Variants in TIAM2 observed in about 807,000 individuals in gnomAD.
The protein encoded by TIAM2 is TIAM Rac1 associated GEF 2.
In TIAM2, 80 loss-of-function variants were observed where a neutral mutation model predicts 152.9. The ratio of observed to expected loss-of-function variants is 0.52; its 90% CI spans 0.44 to 0.63. TIAM2 has a LOEUF of 0.63. Ranked by LOEUF, TIAM2 falls within the 30% of genes least tolerant of loss-of-function variation. TIAM2 has a pLI of 0.00. For missense variants in TIAM2, 1,965 were observed against 2,120.1 expected (o/e 0.93, Z 1.44); for synonymous variants, 804 against 838.0 (o/e 0.96, Z 0.70).
chr6:155,187,508 T>C (rs1007891996), intron 14 of TIAM2, among the ~76,000 whole-genome samples: 5 of 151,620 alleles, frequency 3.3e-5, no homozygotes, highest in African/African-American at 9.7e-5. Flanking sequence ...TCCAGGGTTT[T>C]GCTGTGGGTG....
Position 155,251,013 on chromosome 6 carries a change from C to T in TIAM2, c.4052C>T (p.Thr1351Ile), listed in dbSNP as rs2115350583. 1 of 1,613,908 alleles carries T rather than the reference C, an allele frequency of 6.2e-7. No individual in the cohort carries two copies. The highest frequency in any genetic ancestry group is 8.5e-7 in the Non-Finnish European group (1 of 1,179,842). ...AAAGCTAGAAAGGACCTTGAGCTCA[C>T]AGTATTTGGTTAGTATTCCATTCAG... The part of the protein sequence containing the change: ...LGKARKDLEL[T>I]VFVFKRAVIL... Residue 1351 changes from threonine (T) to isoleucine (I), a missense_variant, in exon 22 of 27, where the codon ACA (threonine) becomes ATA (isoleucine). Physicochemically the swap from Thr to Ile is moderately conservative, Grantham distance 89 (BLOSUM62 -1). Transcript: ENST00000682666.
intron 15 of TIAM2, among the ~76,000 whole-genome samples, chr6:155,231,458 G>A (rs1782472126): frequency 6.6e-6 from 1 of 152,152 alleles, no homozygotes; most frequent in Admixed American, 6.5e-5. Flanking sequence ...TAAAATGAAT[G>A]GTTTGTCCTC....
intron 1 of TIAM2, among the ~76,000 whole-genome samples, chr6:155,070,209 C>CTTTTTTTTTTTTTTTTT (rs559307371): frequency 4.5e-5 from 2 of 44,146 alleles, no homozygotes; most frequent in African/African-American, 2.4e-4. Context: ...CCTGGCCAGA[C>CTTTTTTTTTTTTTTTTT]TTTTTTTTTT....
chr6:155,167,665 T>G (rs1459103549), intron 9 of TIAM2, among the ~76,000 whole-genome samples: 1 of 152,198 alleles, frequency 6.6e-6, no homozygotes, highest in Non-Finnish European at 1.5e-5. Context: ...AAAAATTGTT[T>G]TTGTAGAAAT....
At chr6:155,244,851 TTCTCTCATGAGAAA>T in intron 18 of TIAM2, 68 bp downstream of exon 18, 1 of 1,479,482 alleles carries the variant, frequency 6.8e-7, no homozygotes. Flanking sequence ...CTCATGAGAA[TTCTCTCATGAGAAA>T]GAATTTCTTG....
Position 155,257,660 on chromosome 6 carries a change from G to GTATC in TIAM2, c.*541_*544dup, listed in dbSNP as rs920661202. 3.3e-5 allele frequency: 22 copies of GTATC among 674,106 alleles called. No homozygotes were observed. Among genetic ancestry groups the GTATC allele is most frequent in the Non-Finnish European group, 4.2e-5 (17 of 401,700 alleles). The allele number at this position is 674,106 out of a possible 1,614,324, so 41.8% of individuals were successfully genotyped here. ...TATATATTAAAAGAAAGCTTGTACT[G>GTATC]TATCTTATTTGATGATATTTATTTT... On this transcript the variant is annotated 3_prime_UTR_variant, in exon 27 of 27. Coordinates refer to ENST00000682666, the MANE Select transcript of TIAM2 (RefSeq NM_012454.4).
chr6:155,164,525 T>C lies in TIAM2; in HGVS notation c.2139T>C (p.Leu713=). 6 of 1,614,120 alleles carry C rather than the reference T, an allele frequency of 3.7e-6. No homozygotes were observed. Among genetic ancestry groups the C allele is most frequent in the Non-Finnish European group, 4.2e-6 (5 of 1,180,020 alleles). Residue 713 remains leucine, a synonymous_variant, in exon 8 of 27, where the codon CTT becomes CTC. Transcript: ENST00000682666. ...AGTTACCGAACCCAAAGAGTCTCCT[T>C]GCAGCCGCCAGCCGCCCCTCCAAGC... ...GGELPNPKSL[L]AAASRPSKLA...
chr6:155,178,885 T>C (rs1780823782), intron 10 of TIAM2, among the ~76,000 whole-genome samples, 154 bp from the exon 11 acceptor site: 1 of 152,220 alleles, frequency 6.6e-6, no homozygotes, highest in Non-Finnish European at 1.5e-5. Context: ...TGCATACAAG[T>C]ATTTAAATTC....
At chr6:155,180,688 C>T (rs9480079) in intron 12 of TIAM2, among the ~76,000 whole-genome samples, 88,143 of 151,824 alleles carry the variant, frequency 0.58, 25,944 homozygotes, top group African/African-American at 0.68. Flanking sequence ...CTGCAACCTC[C>T]GCCTCCTGGG....
intron 14 of TIAM2, among the ~76,000 whole-genome samples, chr6:155,191,347 A>T (rs1339764957): frequency 6.6e-6 from 1 of 152,220 alleles, no homozygotes; most frequent in African/African-American, 2.4e-5. Context: ...AAAGCACCAG[A>T]TACTGCCTGG....
At chr6:155,172,478 C>A (rs1271016119) in intron 9 of TIAM2, among the ~76,000 whole-genome samples, 1 of 151,374 alleles carries the variant, frequency 6.6e-6, no homozygotes, top group Non-Finnish European at 1.5e-5. Context: ...ACGAGGCTGG[C>A]GTTTTTAACC....
At chr6:155,225,155 C>T (rs779946880) in intron 15 of TIAM2, among the ~76,000 whole-genome samples, 12 of 152,102 alleles carry the variant, frequency 7.9e-5, no homozygotes, top group Non-Finnish European at 1.6e-4. Flanking sequence ...GGGGTTTTGA[C>T]ATGTTGTCCA....
chr6:155,245,572 C>A, intron 18 of TIAM2, 51 bp from the exon 19 acceptor site: 1 of 1,441,954 alleles, frequency 6.9e-7, no homozygotes, highest in Non-Finnish European at 9.8e-7. Flanking sequence ...CATAAGCCAG[C>A]ACGCATTGAT....
In TIAM2 at chr6:155,244,204, C is replaced by G. The variant is rs1783197201; in HGVS notation, c.3417+125C>G. ...GAACATCCCAAGACTTAACGGTCTT[C>G]TGAGAGTCCCAGGCATAGCCTCCTC... On this transcript the variant is annotated intron_variant, in intron 17 of 26. Transcript: ENST00000682666. The G allele has an allele frequency of 3.2e-6, 3 of 924,382 alleles. No homozygotes were observed. In the East Asian group the frequency reaches 7.4e-5, roughly 23 times the overall value. 57.3% of individuals were successfully genotyped at this position (924,382 alleles called of 1,614,324 possible). A position where few individuals can be genotyped will look rare whatever the true frequency, so the allele number is the denominator to read the frequency against.
chr6:154,996,043 GAGCC>G (rs1778206511), intron 1 of TIAM2, among the ~76,000 whole-genome samples: 1 of 152,294 alleles, frequency 6.6e-6, no homozygotes, highest in Non-Finnish European at 1.5e-5. Context: ...CCGAGCGCGG[GAGCC>G]ATCCCGGACG....
chr6:155,179,470 A>T lies in TIAM2; in HGVS notation c.2707+14A>T. ...TGTGTGACTTTGGTGAGTGTAAGGA[A>T]TGCCCCTTTCAGGGAATTGTGTTGT... On this transcript the variant is annotated intron_variant, in intron 12 of 26. Coordinates refer to ENST00000682666, the MANE Select transcript of TIAM2 (RefSeq NM_012454.4). 6.3e-7 allele frequency: 1 copy of T among 1,591,154 alleles called. No homozygotes were observed. Among genetic ancestry groups the T allele is most frequent in the Non-Finnish European group, 8.5e-7 (1 of 1,170,764 alleles).
rs576154800 is a variant in TIAM2, at chr6:155,202,981, G to A, written c.3065-8223G>A. Among the ~76,000 whole-genome samples the A allele has an allele frequency of 2.0e-4, 30 of 147,626 alleles. No individual in the cohort carries two copies. In the South Asian group the frequency reaches 4.7e-3, roughly 23 times the overall value. On this transcript the variant is annotated intron_variant, in intron 14 of 26. Transcript: ENST00000682666. ...GGCACGAGAATTACACCTGGGAGGC[G>A]GAGGTCGCAGTGAGCTGAGTTCACG...
rs552159757 is a variant in TIAM2 at position 155,000,289 on chromosome 6, C to T, written c.-209+4797C>T. Among the ~76,000 whole-genome samples, 3 of 152,220 alleles carry T rather than the reference C, an allele frequency of 2.0e-5. No homozygotes were observed. The East Asian group carries it at 5.8e-4, about 30-fold the overall frequency. The stretch of plus-strand genomic sequence containing the variant: ...GTGGCTCACGCCTATAATCCCAGCA[C>T]TTTGGGAGGCCAAGGGGCGGATCAC... On this transcript the variant is annotated intron_variant, in intron 1 of 26. Coordinates refer to ENST00000682666, the MANE Select transcript of TIAM2 (RefSeq NM_012454.4).
chr6:155,030,455 A>C (rs1396201492), intron 1 of TIAM2, among the ~76,000 whole-genome samples: 1 of 152,184 alleles, frequency 6.6e-6, no homozygotes, highest in East Asian at 1.9e-4. Flanking sequence ...AAGGAGCAAT[A>C]GGCAGGGATT....
Sources: allele counts gnomAD v4.1 joint callset (sites outside exome capture counted in the v4.1 genomes callset), GRCh38; gene constraint gnomAD v4.1.1; transcripts MANE v1.5; gene names NCBI Gene and HGNC (gene_info 2026-07-23, HGNC 2026-07-21).